The following ADCY3 variants were observed in gnomAD, a reference collection of about 807,000 sequenced individuals.
The protein encoded by ADCY3 is adenylate cyclase type 3.
ADCY3 carries 70 observed loss-of-function variants against 119.4 expected under a neutral mutation model. The ratio of observed to expected loss-of-function variants is 0.59; its 90% CI spans 0.48 to 0.72. ADCY3 has a LOEUF of 0.72. Among genes scored for constraint, ADCY3 ranks in the 30% least tolerant of loss-of-function variants. The pLI is 0.00. For missense variants in ADCY3, 1,238 were observed against 1,541.6 expected (o/e 0.80, Z 3.30); for synonymous variants, 672 against 621.4 (o/e 1.08, Z -1.21).
chr2:24,822,346 C>A, intron 19 of ADCY3, 165 bp downstream of exon 19: 1 of 1,024,150 alleles, frequency 9.8e-7, no homozygotes, highest in South Asian at 1.6e-5. Context: ...GCTTGCCGAA[C>A]TTTCTCAATA....
At position 24,838,523 on chromosome 2, in the gene ADCY3, C is replaced by T; in HGVS notation, c.1455G>A (p.Lys485=). 3 of 1,614,146 alleles carry T rather than the reference C, an allele frequency of 1.9e-6. No individual in the cohort carries two copies. The highest frequency in any genetic ancestry group is 1.7e-5 in the Admixed American group (1 of 60,026). The change falls in exon 8 of 22, where the codon AAG becomes AAA. Residue 485 remains lysine, a synonymous_variant. Transcript: ENST00000679454. ...GGSRCDYLEE[K]GIETYLIIAS... ...CAATGATGAGGTAGGTTTCAATACC[C>T]TTCTCTTCTAGGTAATCACAGCGGC...
At position 24,840,659 on chromosome 2, in the gene ADCY3, C is replaced by T. The variant is rs1188886975; in HGVS notation, c.1196+600G>A. ...TCCGTGTTGGTGCCTGATGTCACCCCGGGTCCCGCAGAGGCTGGAAGTCAA... is the reference window on the plus strand; with the variant it reads ...TCCGTGTTGGTGCCTGATGTCACCCTGGGTCCCGCAGAGGCTGGAAGTCAA... On this transcript the variant is annotated intron_variant, in intron 6 of 21. Transcript: ENST00000679454. The T allele has an allele frequency of 1.8e-5, 7 of 399,538 alleles. No individual in the cohort carries two copies. The East Asian group carries it at 2.2e-4, about 13-fold the overall frequency. 24.7% of individuals were successfully genotyped at this position (399,538 alleles called of 1,614,324 possible).
intron 9 of ADCY3, 77 bp from the exon 10 acceptor site, chr2:24,835,013 A>T: frequency 6.5e-7 from 1 of 1,529,148 alleles, no homozygotes; most frequent in East Asian, 2.3e-5. Context: ...ACAGAGGTGG[A>T]GGAGGAAAGG....
At chr2:24,830,167 A>C (rs1289398478) in intron 13 of ADCY3, among the ~76,000 whole-genome samples, 1 of 150,556 alleles carries the variant, frequency 6.6e-6, no homozygotes, top group East Asian at 1.9e-4. Flanking sequence ...CAGCCTCCCA[A>C]GTAGCTGGGA....
At chr2:24,888,085 T>C (rs1249216542) in intron 2 of ADCY3, among the ~76,000 whole-genome samples, 1 of 152,208 alleles carries the variant, frequency 6.6e-6, no homozygotes, top group Non-Finnish European at 1.5e-5. Flanking sequence ...AAACACTGCC[T>C]TGTACACAGT....
In ADCY3 at chr2:24,824,469, T is replaced by C. The variant is rs1455098059; in HGVS notation, c.2645A>G (p.Tyr882Cys). ...GGCCTCGTTCCAGCGTCGCATCTCATAGACACGTTCCTTCTGGTCGTGGAC... is the reference window on the plus strand; with the variant it reads ...GGCCTCGTTCCAGCGTCGCATCTCACAGACACGTTCCTTCTGGTCGTGGAC... ...IEVHDQKERVYEMRRWNEALV... is the reference protein window; with the variant it reads ...IEVHDQKERVCEMRRWNEALV... The change falls in exon 17 of 22, where the codon TAT becomes TGT. Residue 882 changes from tyrosine (Y) to cysteine (C), a missense_variant. Coordinates refer to ENST00000679454, the MANE Select transcript of ADCY3 (RefSeq NM_004036.5). The C allele has an allele frequency of 1.2e-6, 2 of 1,614,254 alleles. No individual in the cohort carries two copies. The highest frequency in any genetic ancestry group is 2.2e-5 in the East Asian group (1 of 44,890).
intron 3 of ADCY3, among the ~76,000 whole-genome samples, chr2:24,851,016 A>G (rs774571527): frequency 2.6e-5 from 4 of 152,232 alleles, no homozygotes; most frequent in African/African-American, 9.6e-5. Flanking sequence ...CAAAGTTGCT[A>G]TAGGGTGCTG....
At position 24,857,117 on chromosome 2, in the gene ADCY3, G is replaced by A. The variant is rs148298890; in HGVS notation, c.826-14733C>T. 1.4e-4 allele frequency among the ~76,000 whole-genome samples: 21 copies of A among 152,320 alleles called. No individual in the cohort carries two copies. In the South Asian group the frequency reaches 2.7e-3, roughly 20 times the overall value. On this transcript the variant is annotated intron_variant, in intron 3 of 21. Transcript: ENST00000679454. ...ACAGTGCGGAAATCACACAGACCCA[G>A]GGTCAGCCCAGAGCTCTTACCCTGC...
At chr2:24,825,085 T>C (rs1004055503) in intron 16 of ADCY3, among the ~76,000 whole-genome samples, 1 of 152,102 alleles carries the variant, frequency 6.6e-6, no homozygotes, top group South Asian at 2.1e-4. Flanking sequence ...AGGGGGCCTC[T>C]TGGGACCTAA....
At position 24,918,625 on chromosome 2, in the gene ADCY3, G is replaced by A. The variant is rs1664752636; in HGVS notation, c.363C>T (p.Leu121=). 3.1e-6 allele frequency: 5 copies of A among 1,614,058 alleles called. No homozygotes were observed. Among genetic ancestry groups the A allele is most frequent in the African/African-American group, 1.3e-5 (1 of 74,946 alleles). ...GCAGCCCCTTTTTGCAGAGCACGAAGAGGATGATGTCCAACACCAGTCCAA... is the reference window on the plus strand; with the variant it reads ...GCAGCCCCTTTTTGCAGAGCACGAAAAGGATGATGTCCAACACCAGTCCAA... The part of the protein sequence containing the change: ...AGIGLVLDII[L]FVLCKKGLLP... Residue 121 remains leucine, a synonymous_variant, in exon 2 of 22, where the codon CTC becomes CTT. Transcript: ENST00000679454. The surrounding 1 kb of genome is among the most constrained non-coding windows in gnomAD (Gnocchi z 5.4).
intron 3 of ADCY3, among the ~76,000 whole-genome samples, chr2:24,859,054 G>A (rs990420516): frequency 2.6e-5 from 4 of 152,204 alleles, no homozygotes; most frequent in South Asian, 2.1e-4. Context: ...TATGGGGAAC[G>A]CACCTGGCTT....
chr2:24,912,816 G>C (rs1663950670), intron 2 of ADCY3, among the ~76,000 whole-genome samples: 1 of 152,188 alleles, frequency 6.6e-6, no homozygotes, highest in Admixed American at 6.5e-5. Flanking sequence ...GCATATGCAT[G>C]ATGATGACAA....
rs374258650 is a variant in ADCY3 at position 24,841,518 on chromosome 2, A to G, written c.1068+38T>C. The G allele has an allele frequency of 8.9e-5, 142 of 1,599,784 alleles. No homozygotes were observed. The highest frequency in any genetic ancestry group is 1.1e-4 in the Non-Finnish European group (133 of 1,171,336). ...GGGGCCAGGCAGAGGCCATGAGGGC[A>G]GGCCCCGCTGGAGAGCCAGGCGGGG... On this transcript the variant is annotated intron_variant, in intron 5 of 21. Transcript: ENST00000679454. This position sits in a 1 kb window ranked among gnomAD's most constrained non-coding sequence, Gnocchi z 5.8.
At chr2:24,822,079 A>G (rs764404545) in intron 19 of ADCY3, 5 of 188,686 alleles carry the variant, frequency 2.6e-5, no homozygotes, top group Non-Finnish European at 4.4e-5. Flanking sequence ...ATGGTGTTTT[A>G]AGACCAGAGC....
In ADCY3 at chr2:24,826,086, C is replaced by G; in HGVS notation, c.2536G>C (p.Val846Leu). 1 of 1,614,088 alleles carries G rather than the reference C, an allele frequency of 6.2e-7. No individual in the cohort carries two copies. Among genetic ancestry groups the G allele is most frequent in the South Asian group, 1.1e-5 (1 of 91,080 alleles). Residue 846 changes from valine to leucine, a missense_variant, in exon 16 of 22, where the codon GTG becomes CTG. Transcript: ENST00000679454. Reference sequence around the variant, plus strand: ...TAGAAGCTGAGCATCATGAGGAACACCATCACCGTCATAGAGTACTTGGAA... The same window carrying G: ...TAGAAGCTGAGCATCATGAGGAACAGCATCACCGTCATAGAGTACTTGGAA... ...VPSKYSMTVM[V>L]FLMMLSFYYF... is the part of the protein sequence containing the mutation.
intron 2 of ADCY3, chr2:24,877,914 T>C: frequency 2.1e-6 from 1 of 471,138 alleles, no homozygotes; most frequent in South Asian, 1.5e-5. Context: ...GGTCCTGGGG[T>C]GACTCACCAA....
In ADCY3 at chr2:24,891,633, A is replaced by G. The variant is rs114312730; in HGVS notation, c.676-18914T>C. 6.9e-3 allele frequency among the ~76,000 whole-genome samples: 1,057 copies of G among 152,362 alleles called. 9 individuals are homozygous for G. The highest frequency in any genetic ancestry group is 0.024 in the African/African-American group (1,007 of 41,588). On this transcript the variant is annotated intron_variant, in intron 2 of 21. Transcript: ENST00000679454. ...TCATACGTTGAGGTGGCGAAGATCT[A>G]GGGTAAGAGCAAATCTTCTATATGT...
intron 3 of ADCY3, among the ~76,000 whole-genome samples, chr2:24,851,916 G>A (rs1572889638): frequency 1.3e-5 from 2 of 152,240 alleles, no homozygotes; most frequent in Middle Eastern, 3.4e-3. Context: ...GTAAACCCCG[G>A]ATTTAGCAGG....
intron 2 of ADCY3, among the ~76,000 whole-genome samples, chr2:24,896,790 TTCTAGAA>T (rs1678342197): frequency 6.6e-6 from 1 of 152,166 alleles, no homozygotes. Context: ...GTCCCACAGA[TTCTAGAA>T]ACCTTAGAAC....
Sources: allele counts gnomAD v4.1 joint callset (sites outside exome capture counted in the v4.1 genomes callset), GRCh38; gene constraint gnomAD v4.1.1; non-coding constraint Gnocchi (gnomAD v3.1); transcripts MANE v1.5; gene names NCBI Gene and HGNC (gene_info 2026-07-23, HGNC 2026-07-21).